PTBP3: variants seen among roughly 807,000 people sequenced by gnomAD.
PTBP3 encodes polypyrimidine tract-binding protein 3.
A neutral mutation model predicts 58.7 loss-of-function variants in PTBP3; 20 were observed. The ratio of observed to expected loss-of-function variants is 0.34; its 90% CI spans 0.24 to 0.50. The LOEUF is 0.50. Among genes scored for constraint, PTBP3 ranks in the 20% least tolerant of loss-of-function variants. The pLI is 0.98. For synonymous variants in PTBP3, 185 were observed against 219.8 expected, an observed-to-expected ratio of 0.84 and a Z score of 1.40; for missense variants, 509 against 637.2, an observed-to-expected ratio of 0.80 and a Z score of 2.17.
intron 1 of PTBP3, among the ~76,000 whole-genome samples, chr9:112,316,194 C>T (rs1217505803): frequency 6.6e-6 from 1 of 152,084 alleles, no homozygotes; most frequent in Non-Finnish European, 1.5e-5. Context: ...TCCCCATCTC[C>T]TAGAATTCAT....
At chr9:112,348,777 T>G in the PTBP3 span, among the ~76,000 whole-genome samples, 1 of 152,178 alleles carries the variant, frequency 6.6e-6, no homozygotes, top group Non-Finnish European at 1.5e-5. Context: ...TCCTTTTTTC[T>G]GAGGAGGCAA....
intron 7 of PTBP3, among the ~76,000 whole-genome samples, chr9:112,244,289 C>CA (rs56052359): frequency 0.012 from 453 of 36,284 alleles, 62 homozygotes; most frequent in South Asian, 0.037. Flanking sequence ...GACTCTGTCT[C>CA]AAAAAAAAAA....
chr9:112,377,768 A>C, the PTBP3 span, among the ~76,000 whole-genome samples: 1 of 152,114 alleles, frequency 6.6e-6, no homozygotes, highest in Non-Finnish European at 1.5e-5. Flanking sequence ...TATTTTTCAA[A>C]CCATTTGTTT....
chr9:112,321,416 C>G (rs1358254300), intron 1 of PTBP3, among the ~76,000 whole-genome samples: 1 of 151,572 alleles, frequency 6.6e-6, no homozygotes, highest in African/African-American at 2.4e-5. Context: ...GTAATCCCAG[C>G]TACTCAGGAG....
chr9:112,228,906 G>A (rs1412142194), intron 10 of PTBP3, among the ~76,000 whole-genome samples: 2 of 151,928 alleles, frequency 1.3e-5, no homozygotes, highest in Admixed American at 1.3e-4. Context: ...CCCAATCCTC[G>A]CTACCATCAA....
intron 5 of PTBP3, among the ~76,000 whole-genome samples, chr9:112,260,058 C>G (rs1249727082): frequency 6.6e-6 from 1 of 152,118 alleles, no homozygotes; most frequent in Admixed American, 6.5e-5. Flanking sequence ...CAGATACATG[C>G]CAGCACACCC....
chr9:112,268,997 G>A (rs1265867848), intron 3 of PTBP3, among the ~76,000 whole-genome samples: 1 of 151,754 alleles, frequency 6.6e-6, no homozygotes, highest in Non-Finnish European at 1.5e-5. Context: ...GGAGTTCAAG[G>A]CCAGCCTGGC....
intron 12 of PTBP3, 137 bp from the exon 13 acceptor site, chr9:112,224,347 G>C: frequency 1.9e-6 from 1 of 527,760 alleles, no homozygotes; most frequent in Non-Finnish European, 3.2e-6. Flanking sequence ...TGATTTGGAA[G>C]TTCCCTGAAA....
intron 1 of PTBP3, chr9:112,330,335 T>C: frequency 1.2e-6 from 1 of 845,008 alleles, no homozygotes; most frequent in Non-Finnish European, 1.8e-6. Context: ...TAAGTAAAAA[T>C]TAAAGACTTT....
intron 2 of PTBP3, among the ~76,000 whole-genome samples, chr9:112,277,839 T>C (rs1827675463): frequency 6.6e-6 from 1 of 151,830 alleles, no homozygotes; most frequent in Non-Finnish European, 1.5e-5. Context: ...TTGCACCACT[T>C]GCACTCCCTG....
chr9:112,306,552 A>C (rs1738423257), intron 1 of PTBP3, among the ~76,000 whole-genome samples: 1 of 151,552 alleles, frequency 6.6e-6, no homozygotes, highest in African/African-American at 2.4e-5. Context: ...TCAAATATTC[A>C]AGTACAGAAA....
intron 2 of PTBP3, among the ~76,000 whole-genome samples, chr9:112,284,356 C>G (rs1828011554): frequency 6.6e-6 from 1 of 152,196 alleles, no homozygotes; most frequent in Admixed American, 6.5e-5. Context: ...AAAGCATGCC[C>G]TAGATGTGAG....
At chr9:112,355,937 T>TTTTCTTTTCTTTTC in the PTBP3 span, among the ~76,000 whole-genome samples, 1 of 150,330 alleles carries the variant, frequency 6.7e-6, no homozygotes. Flanking sequence ...AGTTTCTTTC[T>TTTTCTTTTCTTTTC]TTTCTTTTCT....
intron 1 of PTBP3, among the ~76,000 whole-genome samples, chr9:112,324,647 CTT>C (rs199638020): frequency 7.6e-6 from 1 of 131,972 alleles, no homozygotes. Flanking sequence ...GAGACTACCT[CTT>C]TTTTTTTTTT....
At chr9:112,289,580 A>C (rs560757860) in intron 2 of PTBP3, among the ~76,000 whole-genome samples, 2 of 152,316 alleles carry the variant, frequency 1.3e-5, no homozygotes, top group African/African-American at 4.8e-5. Context: ...CAGAAGTTTG[A>C]GGCCATCCTG....
the PTBP3 span, among the ~76,000 whole-genome samples, chr9:112,351,024 A>T: frequency 0.41 from 62,498 of 151,994 alleles, 13,883 homozygotes; most frequent in Middle Eastern, 0.53. Context: ...ACCTCAAGTG[A>T]TCTACCTGCC....
At chr9:112,302,174 A>C (rs1206491228) in intron 1 of PTBP3, among the ~76,000 whole-genome samples, 2 of 152,206 alleles carry the variant, frequency 1.3e-5, no homozygotes, top group Non-Finnish European at 2.9e-5. Context: ...TTCAATTGAC[A>C]GCAAATAGCT....
intron 2 of PTBP3, among the ~76,000 whole-genome samples, chr9:112,277,218 C>T (rs561447126): frequency 1.3e-5 from 2 of 152,254 alleles, no homozygotes; most frequent in East Asian, 3.9e-4. Context: ...AAGCAGCATC[C>T]TCCCCAGACC....
At chr9:112,288,552 A>ATAGCAT (rs140904264) in intron 2 of PTBP3, among the ~76,000 whole-genome samples, 3,108 of 152,218 alleles carry the variant, frequency 0.02, 49 homozygotes, top group African/African-American at 0.042. Context: ...TAGGGTGACA[A>ATAGCAT]TAGCATTACC....
Sources: gnomAD v4.1 joint callset for allele counts (sites outside exome capture counted in the v4.1 genomes callset) on GRCh38, gnomAD v4.1.1 for gene constraint, MANE v1.5 for transcripts, NCBI Gene and HGNC (gene_info 2026-07-23, HGNC 2026-07-21) for gene names.